The following EYS variants were observed in gnomAD, a reference collection of about 807,000 sequenced individuals.
The protein encoded by EYS is protein eyes shut homolog.
A neutral mutation model predicts 282.1 loss-of-function variants in EYS; 250 were observed. That is an observed-to-expected ratio of 0.89 (90% CI 0.80 to 0.98). The LOEUF is 0.98. Ranked by LOEUF, EYS falls within the 50% of genes least tolerant of loss-of-function variation. The pLI is 0.00. For synonymous variants in EYS, 1,355 were observed against 1,282.9 expected (o/e 1.06, Z -1.20); for missense variants, 4,016 against 3,709.0 (o/e 1.08, Z -2.15).
chr6:65,699,456 C>G (rs1012720892), intron 1 of EYS, among the ~76,000 whole-genome samples: 1 of 152,046 alleles, frequency 6.6e-6, no homozygotes, highest in African/African-American at 2.4e-5. Flanking sequence ...CGATGCAGAC[C>G]TTGCTTTGAA....
intron 2 of EYS, among the ~76,000 whole-genome samples, chr6:65,593,708 T>A (rs974819078): frequency 1.4e-4 from 22 of 152,148 alleles, no homozygotes; most frequent in Non-Finnish European, 1.3e-4. Flanking sequence ...CGATATTATT[T>A]TTTTATTCTC....
chr6:65,128,359 C>T (rs1268160390), intron 12 of EYS, among the ~76,000 whole-genome samples: 1 of 151,784 alleles, frequency 6.6e-6, no homozygotes, highest in Non-Finnish European at 1.5e-5. Flanking sequence ...TAATAAAAGG[C>T]ATCACAATAA....
chr6:64,716,800 T>A (rs1771414815), intron 22 of EYS, among the ~76,000 whole-genome samples: 1 of 152,204 alleles, frequency 6.6e-6, no homozygotes, highest in South Asian at 2.1e-4. Flanking sequence ...CAAAGGCTTG[T>A]ATTTTAATGC....
At chr6:65,077,503 G>A (rs923754289) in intron 12 of EYS, among the ~76,000 whole-genome samples, 5 of 151,998 alleles carry the variant, frequency 3.3e-5, no homozygotes, top group African/African-American at 9.7e-5. Flanking sequence ...TAATATAAAC[G>A]CAAATAAATG....
chr6:65,446,743 C>T (rs1380610741), intron 5 of EYS, among the ~76,000 whole-genome samples: 1 of 151,816 alleles, frequency 6.6e-6, no homozygotes, highest in East Asian at 1.9e-4. Context: ...CATGTTAAAG[C>T]AGTGTTCATG....
intron 22 of EYS, among the ~76,000 whole-genome samples, chr6:64,772,280 A>G (rs1371318496): frequency 6.6e-6 from 1 of 151,738 alleles, no homozygotes; most frequent in Non-Finnish European, 1.5e-5. Flanking sequence ...GTTGTTTTTC[A>G]AAAGTTTGTG....
intron 35 of EYS, among the ~76,000 whole-genome samples, chr6:63,879,017 A>G (rs1773057325): frequency 6.6e-6 from 1 of 152,168 alleles, no homozygotes. Context: ...GTGCAACTGC[A>G]GAAATCACCT....
chr6:64,149,593 T>C (rs1774634389), intron 31 of EYS, among the ~76,000 whole-genome samples: 1 of 152,178 alleles, frequency 6.6e-6, no homozygotes, highest in Non-Finnish European at 1.5e-5. Context: ...TAACACGTGA[T>C]AGACACTTGT....
chr6:65,333,029 G>C (rs886339857), intron 11 of EYS, among the ~76,000 whole-genome samples: 9 of 150,718 alleles, frequency 6.0e-5, no homozygotes, highest in African/African-American at 2.2e-4. Flanking sequence ...ATGAAATTTT[G>C]TTTTTTGATA....
At chr6:63,876,459 G>T (rs931894404) in intron 35 of EYS, among the ~76,000 whole-genome samples, 2 of 152,198 alleles carry the variant, frequency 1.3e-5, no homozygotes, top group Non-Finnish European at 2.9e-5. Flanking sequence ...TTGATTTGGG[G>T]TTGAGAGTTC....
chr6:65,592,320 C>T (rs1055946681), intron 2 of EYS, among the ~76,000 whole-genome samples: 1 of 151,768 alleles, frequency 6.6e-6, no homozygotes, highest in African/African-American at 2.4e-5. Flanking sequence ...TAGTATATAA[C>T]TGAATTTTAT....
chr6:64,927,946 G>T (rs1768572603), intron 15 of EYS, among the ~76,000 whole-genome samples: 1 of 151,964 alleles, frequency 6.6e-6, no homozygotes, highest in Non-Finnish European at 1.5e-5. Flanking sequence ...AACAAATAGG[G>T]TATAAGAGGG....
chr6:64,188,632 G>T (rs1765016354), intron 31 of EYS, among the ~76,000 whole-genome samples: 1 of 152,040 alleles, frequency 6.6e-6, no homozygotes, highest in African/African-American at 2.4e-5. Flanking sequence ...GACAAATGGT[G>T]GATACCCAAC....
chr6:64,874,409 G>A lies in EYS; in HGVS notation c.2992+12288C>T, dbSNP rs569259077. Among the ~76,000 whole-genome samples the A allele has an allele frequency of 3.5e-4, 54 of 152,130 alleles. No homozygotes were observed. In the South Asian group the frequency reaches 0.01, roughly 29 times the overall value. On this transcript the variant is annotated intron_variant, in intron 19 of 42. Coordinates refer to ENST00000503581, the MANE Select transcript of EYS (RefSeq NM_001142800.2). ...TTCAAATTGTAATGTCTCAGATACT[G>A]ACAGTAAGGATTTCCATACTTTAAA...
intron 5 of EYS, among the ~76,000 whole-genome samples, chr6:65,462,201 A>G (rs1156280443): frequency 1.3e-5 from 2 of 152,146 alleles, no homozygotes; most frequent in African/African-American, 2.4e-5. Context: ...GAGTGAAAGA[A>G]GTCAACTTAA....
intron 26 of EYS, among the ~76,000 whole-genome samples, chr6:64,470,548 A>C (rs1776092270): frequency 6.7e-6 from 1 of 149,362 alleles, no homozygotes; most frequent in South Asian, 2.1e-4. Flanking sequence ...TGGAAGAAGA[A>C]GAATTGTCTT....
At chr6:64,068,367 ATCT>A (rs1382592025) in intron 32 of EYS, among the ~76,000 whole-genome samples, 1 of 152,062 alleles carries the variant, frequency 6.6e-6, no homozygotes, top group Admixed American at 6.6e-5. Flanking sequence ...GATTGTAAAT[ATCT>A]TCTTCAGTTC....
At chr6:65,355,707 G>T (rs548339344) in intron 8 of EYS, among the ~76,000 whole-genome samples, 1 of 152,006 alleles carries the variant, frequency 6.6e-6, no homozygotes, top group Non-Finnish European at 1.5e-5. Flanking sequence ...CATACAAATA[G>T]CCAGCCCACA....
Position 65,332,128 on chromosome 6 carries a change from AT to A in EYS, c.1766+2851del, listed in dbSNP as rs563223498. On this transcript the variant is annotated intron_variant, in intron 11 of 42. Transcript: ENST00000503581. Reference sequence around the variant, plus strand: ...TTAGTTATGTTTCTTCATTCTTCTTATTTTTTTTTAACTTCTCTTATCAGAT... The same window carrying A: ...TTAGTTATGTTTCTTCATTCTTCTTATTTTTTTTAACTTCTCTTATCAGAT... 4.2e-3 allele frequency: 1,821 copies of A among 430,150 alleles called. 2 individuals are homozygous for A. The highest frequency in any genetic ancestry group is 5.0e-3 in the Non-Finnish European group (1,218 of 241,702). The allele number at this position is 430,150 out of a possible 1,614,324, so 26.6% of individuals were successfully genotyped here. A position where few individuals can be genotyped will look rare whatever the true frequency, so the allele number is the denominator to read the frequency against.
Sources: gnomAD v4.1 joint callset for allele counts (sites outside exome capture counted in the v4.1 genomes callset) on GRCh38, gnomAD v4.1.1 for gene constraint, MANE v1.5 for transcripts, NCBI Gene and HGNC (gene_info 2026-07-23, HGNC 2026-07-21) for gene names.